The following SYNPR variants were observed in gnomAD, a reference collection of about 807,000 sequenced individuals.
SYNPR encodes synaptoporin.
In SYNPR, 23 loss-of-function variants were observed where a neutral mutation model predicts 32.9. The ratio of observed to expected loss-of-function variants is 0.70; its 90% CI spans 0.50 to 0.99. The LOEUF (loss-of-function observed/expected upper bound fraction) is 0.99. Among genes scored for constraint, SYNPR ranks in the 50% least tolerant of loss-of-function variants. The pLI, the probability that SYNPR is intolerant of heterozygous loss-of-function variation, is 0.00. For missense variants in SYNPR, 318 were observed against 349.3 expected, an observed-to-expected ratio of 0.91 and a Z score of 0.71; for synonymous variants, 146 against 135.9, an observed-to-expected ratio of 1.07 and a Z score of -0.52.
chr3:63,510,951 T>C (rs1002616674), intron 3 of SYNPR, among the ~76,000 whole-genome samples: 17 of 79,766 alleles, frequency 2.1e-4, no homozygotes, highest in Admixed American at 2.0e-3. Context: ...ACGTTGTGTG[T>C]GTGTGTTTCA....
At chr3:63,205,511 A>G in the SYNPR span, among the ~76,000 whole-genome samples, 1 of 152,186 alleles carries the variant, frequency 6.6e-6, no homozygotes, top group Non-Finnish European at 1.5e-5. Flanking sequence ...GTGCCTCTGA[A>G]ATTTTGGAGT....
intron 2 of SYNPR, chr3:63,252,693 A>C (rs756351213): frequency 2.0e-5 from 3 of 152,180 alleles, no homozygotes; most frequent in Non-Finnish European, 4.4e-5. Flanking sequence ...ATGGTCATGC[A>C]TGCAGTTAAT....
At chr3:63,257,830 C>T (rs1166815015) in intron 2 of SYNPR, among the ~76,000 whole-genome samples, 5 of 152,192 alleles carry the variant, frequency 3.3e-5, no homozygotes, top group Middle Eastern at 3.4e-3. Flanking sequence ...ACCCATCTCA[C>T]GTGCAGAGAC....
At chr3:63,255,078 C>T (rs992971013) in intron 2 of SYNPR, among the ~76,000 whole-genome samples, 1 of 152,104 alleles carries the variant, frequency 6.6e-6, no homozygotes, top group African/African-American at 2.4e-5. Context: ...TTATGGCAGC[C>T]CTTGTTGGTT....
At chr3:63,578,620 G>A (rs1021212390) in intron 4 of SYNPR, among the ~76,000 whole-genome samples, 5 of 152,122 alleles carry the variant, frequency 3.3e-5, no homozygotes, top group African/African-American at 4.8e-5. Flanking sequence ...TGGCAATACT[G>A]ACCATCAGAT....
At chr3:63,496,981 T>TATTGATC (rs1294283694) in intron 3 of SYNPR, among the ~76,000 whole-genome samples, 5 of 152,146 alleles carry the variant, frequency 3.3e-5, no homozygotes, top group Non-Finnish European at 7.4e-5. Context: ...AATAGCTTGA[T>TATTGATC]ATTGATCAAG....
chr3:63,402,434 A>G (rs2088305065), intron 2 of SYNPR, among the ~76,000 whole-genome samples: 1 of 152,270 alleles, frequency 6.6e-6, no homozygotes, highest in Non-Finnish European at 1.5e-5. Flanking sequence ...TTCTTATCCC[A>G]AAAGCAAGTT....
chr3:63,463,958 C>T (rs888431445), intron 2 of SYNPR, among the ~76,000 whole-genome samples: 1 of 152,124 alleles, frequency 6.6e-6, no homozygotes, highest in Non-Finnish European at 1.5e-5. Context: ...TATGTAGATG[C>T]CTTTTTTCGT....
chr3:63,561,007 T>C lies in SYNPR; in HGVS notation c.408+4266T>C, dbSNP rs73118751. On this transcript the variant is annotated intron_variant, in intron 4 of 5. Coordinates refer to ENST00000478300, the MANE Select transcript of SYNPR (RefSeq NM_001130003.2). Reference sequence around the variant, plus strand: ...AACCAAACACACACTTTAAAAAAAATTTATGTAATTTGTGATTCTTCAAGT... The same window carrying C: ...AACCAAACACACACTTTAAAAAAAACTTATGTAATTTGTGATTCTTCAAGT... Among the ~76,000 whole-genome samples, 16 of 152,224 alleles carry C rather than the reference T, an allele frequency of 1.1e-4. No homozygotes were observed. The South Asian group carries it at 3.3e-3, about 32-fold the overall frequency.
At chr3:63,437,764 C>T (rs1294557258) in intron 2 of SYNPR, among the ~76,000 whole-genome samples, 1 of 152,126 alleles carries the variant, frequency 6.6e-6, no homozygotes, top group Non-Finnish European at 1.5e-5. Flanking sequence ...AGGAATGTAG[C>T]CAACTTCAGA....
chr3:63,285,273 G>A (rs1252993307), intron 2 of SYNPR, among the ~76,000 whole-genome samples: 3 of 152,142 alleles, frequency 2.0e-5, no homozygotes, highest in Admixed American at 2.0e-4. Flanking sequence ...AGGTAGAGTT[G>A]ATTCCAATTA....
intron 2 of SYNPR, among the ~76,000 whole-genome samples, chr3:63,260,979 T>C (rs1178782616): frequency 6.6e-6 from 1 of 152,158 alleles, no homozygotes; most frequent in African/African-American, 2.4e-5. Context: ...TCATCATCAC[T>C]GGCCATCTGA....
chr3:63,222,727 T>A, the SYNPR span, among the ~76,000 whole-genome samples: 17 of 152,136 alleles, frequency 1.1e-4, no homozygotes, highest in Admixed American at 2.0e-4. Context: ...ATGTTGGCCA[T>A]GCTGGTCTCA....
Position 63,394,652 on chromosome 3 carries a change from C to T in SYNPR, c.85-86180C>T, listed in dbSNP as rs529965877. ...CAAAGAAAAAATGCTCCCCAGATAT[C>T]CCTAAGCAGTAAGTATGCTAACTTG... On this transcript the variant is annotated intron_variant, in intron 2 of 5. Coordinates refer to ENST00000478300, the MANE Select transcript of SYNPR (RefSeq NM_001130003.2). Among the ~76,000 whole-genome samples the T allele has an allele frequency of 2.8e-3, 426 of 152,286 alleles. 2 individuals carry two copies. Among genetic ancestry groups the T allele is most frequent in the African/African-American group, 9.9e-3 (413 of 41,560 alleles).
At chr3:63,457,787 C>T (rs1483972769) in intron 2 of SYNPR, among the ~76,000 whole-genome samples, 2 of 152,022 alleles carry the variant, frequency 1.3e-5, no homozygotes, top group African/African-American at 4.8e-5. Context: ...GAACTTTGGT[C>T]CAGGAAGGGA....
chr3:63,427,431 A>C (rs6768504), intron 2 of SYNPR: 1 of 151,994 alleles, frequency 6.6e-6, no homozygotes, highest in Admixed American at 6.6e-5. Context: ...AGAGAGACTG[A>C]CCTTGGGAAG....
chr3:63,338,932 G>A (rs1032504172), intron 2 of SYNPR, among the ~76,000 whole-genome samples: 12 of 152,316 alleles, frequency 7.9e-5, no homozygotes, highest in South Asian at 2.1e-4. Context: ...CCATGTCAGC[G>A]AATATTGGAC....
Position 63,417,562 on chromosome 3 carries a change from C to T in SYNPR, c.85-63270C>T, listed in dbSNP as rs912305920. Among the ~76,000 whole-genome samples, 5 of 152,248 alleles carry T rather than the reference C, an allele frequency of 3.3e-5. No individual in the cohort carries two copies. In the South Asian group the frequency reaches 1.0e-3, roughly 31 times the overall value. ...CACCCTACATTTCCCTTCTGCACTT[C>T]CCTAGCAGACTTCTCCATGAGGGTC... On this transcript the variant is annotated intron_variant, in intron 2 of 5. Coordinates refer to ENST00000478300, the MANE Select transcript of SYNPR (RefSeq NM_001130003.2).
chr3:63,334,393 C>T (rs1393957527), intron 2 of SYNPR, among the ~76,000 whole-genome samples: 2 of 152,166 alleles, frequency 1.3e-5, no homozygotes, highest in South Asian at 2.1e-4. Flanking sequence ...GTGAAGGTTG[C>T]TTGCCTTGGG....
Sources: allele counts gnomAD v4.1 joint callset (sites outside exome capture counted in the v4.1 genomes callset), GRCh38; gene constraint gnomAD v4.1.1; transcripts MANE v1.5; gene names NCBI Gene and HGNC (gene_info 2026-07-23, HGNC 2026-07-21).